The following ANGPT2 variants were observed in gnomAD, a reference collection of about 807,000 sequenced individuals.
ANGPT2 encodes the protein angiopoietin 2, also known as angiopoietin-2.
Under a neutral mutation model 62.9 loss-of-function variants are expected in ANGPT2, and 28 were observed. The ratio of observed to expected loss-of-function variants is 0.44; its 90% CI spans 0.33 to 0.61. The LOEUF (loss-of-function observed/expected upper bound fraction) is 0.61, where lower values mean the gene tolerates loss of function less well. ANGPT2 is among the 20% of genes least tolerant of loss of function. The pLI, the probability that ANGPT2 is intolerant of heterozygous loss-of-function variation, is 0.03. For missense variants in ANGPT2, 727 were observed against 594.9 expected (o/e 1.22, Z -2.31); for synonymous variants, 284 against 207.8 (o/e 1.37, Z -3.15).
intron 7 of ANGPT2, among the ~76,000 whole-genome samples, chr8:6,512,344 G>C (rs573415122): frequency 5.1e-4 from 77 of 152,308 alleles, no homozygotes; most frequent in African/African-American, 1.8e-3. Flanking sequence ...TTAACATTGT[G>C]TCTCCTTTCA....
At chr8:6,517,502 T>C (rs1024508372) in intron 5 of ANGPT2, among the ~76,000 whole-genome samples, 3 of 152,196 alleles carry the variant, frequency 2.0e-5, no homozygotes, top group African/African-American at 7.2e-5. Context: ...GCTGCAGTAT[T>C]TTGGCCTTTC....
intron 5 of ANGPT2, among the ~76,000 whole-genome samples, chr8:6,515,036 T>C (rs1815981207): frequency 6.6e-6 from 1 of 152,188 alleles, no homozygotes; most frequent in Non-Finnish European, 1.5e-5. Context: ...TCACTTGTCA[T>C]CATCTGTTCC....
chr8:6,504,101 G>A (rs1242486190), intron 8 of ANGPT2, among the ~76,000 whole-genome samples: 1 of 152,072 alleles, frequency 6.6e-6, no homozygotes, highest in African/African-American at 2.4e-5. Context: ...GGTGGATCAC[G>A]AGATCAGGAG....
chr8:6,546,191 G>T (rs1563103325), intron 1 of ANGPT2, among the ~76,000 whole-genome samples: 2 of 152,252 alleles, frequency 1.3e-5, no homozygotes, highest in Non-Finnish European at 2.9e-5. Context: ...TTCCCAAACT[G>T]TGTGCCAAGG....
At chr8:6,530,572 A>AATC (rs1246211461) in intron 2 of ANGPT2, among the ~76,000 whole-genome samples, 1 of 149,430 alleles carries the variant, frequency 6.7e-6, no homozygotes, top group African/African-American at 2.5e-5. Flanking sequence ...CCAACCTAAT[A>AATC]ATTCGCTTTA....
chr8:6,541,080 C>T (rs927424019), intron 1 of ANGPT2, among the ~76,000 whole-genome samples: 14 of 152,212 alleles, frequency 9.2e-5, no homozygotes, highest in Admixed American at 3.3e-4. Flanking sequence ...GCCAACGTCC[C>T]TAGGCATGGC....
intron 3 of ANGPT2, among the ~76,000 whole-genome samples, chr8:6,522,092 A>G (rs1817459535): frequency 1.3e-5 from 2 of 152,224 alleles, no homozygotes; most frequent in Admixed American, 1.3e-4. Flanking sequence ...GCAGTGGCTC[A>G]CGCTTGTAAT....
At chr8:6,556,591 G>T (rs1824650111) in intron 1 of ANGPT2, among the ~76,000 whole-genome samples, 2 of 151,900 alleles carry the variant, frequency 1.3e-5, no homozygotes, top group Admixed American at 1.3e-4. Flanking sequence ...TCCCCCTGGG[G>T]CAAGACTCTT....
intron 5 of ANGPT2, among the ~76,000 whole-genome samples, chr8:6,516,368 G>A (rs1007736653): frequency 6.6e-6 from 1 of 152,138 alleles, no homozygotes; most frequent in African/African-American, 2.4e-5. Flanking sequence ...ATTTAGCAAA[G>A]TTCGATTTTG....
chr8:6,539,701 C>G (rs532017575), intron 1 of ANGPT2, among the ~76,000 whole-genome samples: 1 of 152,328 alleles, frequency 6.6e-6, no homozygotes, highest in African/African-American at 2.4e-5. Flanking sequence ...ATTCTCCCGC[C>G]TCAGCTTCCC....
At chr8:6,551,132 C>T (rs1186654484) in intron 1 of ANGPT2, among the ~76,000 whole-genome samples, 2 of 152,318 alleles carry the variant, frequency 1.3e-5, no homozygotes, top group East Asian at 3.9e-4. Context: ...TCGAAGCTGA[C>T]CATCTGTGCT....
At chr8:6,512,829 A>G (rs189507134) in intron 7 of ANGPT2, among the ~76,000 whole-genome samples, 3 of 152,360 alleles carry the variant, frequency 2.0e-5, no homozygotes, top group African/African-American at 7.2e-5. Flanking sequence ...GTAAACACCC[A>G]GGGAATGCTG....
intron 1 of ANGPT2, among the ~76,000 whole-genome samples, chr8:6,538,847 T>C (rs1563090070): frequency 6.6e-6 from 1 of 152,218 alleles, no homozygotes; most frequent in African/African-American, 2.4e-5. Flanking sequence ...AAACATCCAC[T>C]CTTAGAATTA....
At chr8:6,521,115 C>T in intron 4 of ANGPT2, 63 bp downstream of exon 4, 1 of 1,381,910 alleles carries the variant, frequency 7.2e-7, no homozygotes, top group Admixed American at 2.1e-5. Flanking sequence ...ATTTTTTAGT[C>T]TTTTGAGTGT....
intron 1 of ANGPT2, among the ~76,000 whole-genome samples, chr8:6,557,009 C>G (rs1456217459): frequency 6.6e-6 from 1 of 152,012 alleles, no homozygotes; most frequent in Non-Finnish European, 1.5e-5. Flanking sequence ...GGCTCCTGCC[C>G]CAAACTGGAA....
In ANGPT2 at chr8:6,563,182, C is replaced by T; in HGVS notation, c.-248G>A. The T allele has an allele frequency of 5.7e-6, 2 of 353,066 alleles. No individual in the cohort carries two copies. The highest frequency in any genetic ancestry group is 5.7e-5 in the South Asian group (1 of 17,656). 21.9% of individuals were successfully genotyped at this position (353,066 alleles called of 1,614,324 possible). ...TCCTGCTCACTTGGGAGGGCTGTGT[C>T]AGCTTTTACAGAGCAGCTTTCACGG... On this transcript the variant is annotated 5_prime_UTR_variant, in exon 1 of 9. Coordinates refer to ENST00000629816, the MANE Select transcript of ANGPT2 (RefSeq NM_001118887.2).
chr8:6,534,578 G>T (rs1474399883), intron 1 of ANGPT2, among the ~76,000 whole-genome samples: 1 of 152,042 alleles, frequency 6.6e-6, no homozygotes, highest in Non-Finnish European at 1.5e-5. Context: ...TGAAGCCTTA[G>T]TTTTCCATAT....
chr8:6,551,025 T>A (rs780285172), intron 1 of ANGPT2, among the ~76,000 whole-genome samples: 1 of 152,194 alleles, frequency 6.6e-6, no homozygotes, highest in Non-Finnish European at 1.5e-5. Context: ...AACCAACAAG[T>A]GAAGGCACTC....
At chr8:6,524,108 T>C (rs574455845) in intron 3 of ANGPT2, among the ~76,000 whole-genome samples, 1 of 152,332 alleles carries the variant, frequency 6.6e-6, no homozygotes, top group East Asian at 1.9e-4. Context: ...CAGATTCCTC[T>C]CTCTGACATT....
Sources: gnomAD v4.1 joint callset for allele counts (sites outside exome capture counted in the v4.1 genomes callset) on GRCh38, gnomAD v4.1.1 for gene constraint, MANE v1.5 for transcripts, NCBI Gene and HGNC (gene_info 2026-07-23, HGNC 2026-07-21) for gene names.